The following ICAM2 variants were observed in gnomAD, a reference collection of about 807,000 sequenced individuals.
ICAM2 encodes intercellular adhesion molecule 2.
ICAM2 carries 14 observed loss-of-function variants against 19.1 expected under a neutral mutation model. The observed-to-expected ratio is 0.73, with a 90% CI of 0.48 to 1.15. The LOEUF (loss-of-function observed/expected upper bound fraction) is 1.15. ICAM2 is among the 50% of genes most tolerant of loss of function. The pLI, the probability that ICAM2 is intolerant of heterozygous loss-of-function variation, is 0.00. For missense variants in ICAM2, 311 were observed against 355.4 expected, an observed-to-expected ratio of 0.88 and a Z score of 1.00; for synonymous variants, 153 against 152.7, an observed-to-expected ratio of 1.00 and a Z score of -0.01.
intron 1 of ICAM2, among the ~76,000 whole-genome samples, chr17:64,017,608 A>G (rs1911765293): frequency 6.6e-6 from 1 of 152,184 alleles, no homozygotes; most frequent in South Asian, 2.1e-4. Flanking sequence ...TAAGGTTTAT[A>G]TGGAAGAACA....
chr17:64,017,400 T>C (rs1013966414), intron 1 of ICAM2, among the ~76,000 whole-genome samples: 3 of 152,166 alleles, frequency 2.0e-5, no homozygotes, highest in Non-Finnish European at 4.4e-5. Flanking sequence ...CCTAGAACTA[T>C]AAGACCTATA....
intron 1 of ICAM2, among the ~76,000 whole-genome samples, chr17:64,010,885 C>A (rs866664115): frequency 6.6e-6 from 1 of 151,960 alleles, no homozygotes. Flanking sequence ...TTCTAAGGTT[C>A]TAACTTGGAA....
At position 64,003,736 on chromosome 17, in the gene ICAM2, C is replaced by T. The variant is rs758140513; in HGVS notation, c.557G>A (p.Arg186His). Reference protein sequence around the residue: ...NSTADREDGHRNFSCLAVLDL... With the variant: ...NSTADREDGHHNFSCLAVLDL... ...CAGCACAGCCAGGCAGGAGAAGTTG[C>T]GGTGGCCATCCTCTCTGTCAGCCGT... The change falls in exon 4 of 5, where the codon CGC becomes CAC. Residue 186 changes from arginine (R) to histidine (H), a missense_variant. Arg to His is a conservative substitution (Grantham distance 29). Coordinates refer to ENST00000579788, the MANE Select transcript of ICAM2 (RefSeq NM_001099789.2). The T allele has an allele frequency of 1.5e-5, 25 of 1,613,998 alleles. No individual in the cohort carries two copies. The South Asian group carries it at 1.9e-4, about 12-fold the overall frequency.
chr17:64,015,662 C>T (rs1911692148), intron 1 of ICAM2, among the ~76,000 whole-genome samples: 1 of 151,996 alleles, frequency 6.6e-6, no homozygotes, highest in African/African-American at 2.4e-5. Flanking sequence ...ATGGCTTGAG[C>T]CTGGGAGGTT....
rs796292502 is a variant in ICAM2, at chr17:64,014,437, AAG to A, written c.-45+6084_-45+6085del. ...AGAGAAAGAAAGGAAGGAAGGAAGG[AAG>A]AGAGAGAGAGAGAAGGAGAGAGAGA... On this transcript the variant is annotated intron_variant, in intron 1 of 4. Coordinates refer to ENST00000579788, the MANE Select transcript of ICAM2 (RefSeq NM_001099789.2). 3.0e-3 allele frequency among the ~76,000 whole-genome samples: 381 copies of A among 126,464 alleles called. 3 individuals carry two copies. The highest frequency in any genetic ancestry group is 8.8e-3 in the African/African-American group (314 of 35,752). The allele number at this position is 126,464 out of a possible 152,430, so 83.0% of individuals were successfully genotyped here. A position where few individuals can be genotyped will look rare whatever the true frequency, so the allele number is the denominator to read the frequency against.
intron 1 of ICAM2, chr17:64,007,867 T>G (rs1461141271): frequency 1.3e-5 from 2 of 152,080 alleles, no homozygotes; most frequent in Non-Finnish European, 2.9e-5. Context: ...AGGGAGGGAT[T>G]TCAATGGACG....
At position 64,005,181 on chromosome 17, in the gene ICAM2, T is replaced by C. The variant is rs1439040314; in HGVS notation, c.254A>G (p.His85Arg). Residue 85 changes from histidine (H) to arginine (R), a missense_variant, in exon 3 of 5, where the codon CAT becomes CGT. His to Arg is a conservative substitution (Grantham distance 29). Transcript: ENST00000579788. ...GAAGTGGCATTGGAGGACCGTGTCA[T>C]GGGAGATGTTTGAGACCAAGTAATG... ...WKHYLVSNIS[H>R]DTVLQCHFTC... 1 of 1,614,128 alleles carries C rather than the reference T, an allele frequency of 6.2e-7. No individual in the cohort carries two copies. The highest frequency in any genetic ancestry group is 8.5e-7 in the Non-Finnish European group (1 of 1,179,984).
chr17:64,008,734 A>G (rs1201728776), intron 1 of ICAM2, among the ~76,000 whole-genome samples: 2 of 152,212 alleles, frequency 1.3e-5, no homozygotes, highest in African/African-American at 4.8e-5. Flanking sequence ...GAAAAGCAAC[A>G]TAGCAGAAGG....
intron 1 of ICAM2, among the ~76,000 whole-genome samples, chr17:64,015,527 C>T (rs1911686280): frequency 6.6e-6 from 1 of 152,088 alleles, no homozygotes; most frequent in Admixed American, 6.6e-5. Context: ...ATCCCTTAAG[C>T]CCAAGAGTTT....
intron 3 of ICAM2, 189 bp downstream of exon 3, chr17:64,004,918 G>T: frequency 1.6e-6 from 1 of 641,524 alleles, no homozygotes; most frequent in South Asian, 1.8e-5. Flanking sequence ...TGCGTCTTGA[G>T]ATGCCAGCGG....
At chr17:64,006,901 G>A (rs1911239137) in intron 1 of ICAM2, 166 bp from the exon 2 acceptor site, 1 of 594,548 alleles carries the variant, frequency 1.7e-6, no homozygotes, top group South Asian at 2.0e-5. Flanking sequence ...AGAGGAAGCT[G>A]GGAAGCTGCT....
rs147443492 is a variant in ICAM2 at position 64,005,369 on chromosome 17, C to T, written c.66G>A (p.Ser22=). Residue 22 remains serine, a synonymous_variant, in exon 3 of 5, where the codon TCG becomes TCA. Coordinates refer to ENST00000579788, the MANE Select transcript of ICAM2 (RefSeq NM_001099789.2). The part of the protein sequence containing the change: ...ALFTLICCPG[S]DEKVFEVHVR... The stretch of plus-strand genomic sequence containing the variant: ...CGTGTACCTCGAATACCTTCTCATC[C>T]GATCCTGGAAAACCAGAAACACTGG... The T allele has an allele frequency of 1.9e-5, 30 of 1,612,096 alleles. No individual in the cohort carries two copies. The highest frequency in any genetic ancestry group is 1.7e-4 in the African/African-American group (13 of 75,002).
intron 1 of ICAM2, among the ~76,000 whole-genome samples, chr17:64,012,064 A>G (rs1439806903): frequency 6.6e-6 from 1 of 152,254 alleles, no homozygotes; most frequent in Non-Finnish European, 1.5e-5. Flanking sequence ...ATACATATAT[A>G]CAGTGGAATA....
At chr17:64,018,491 AAAGTT>A (rs1365720230) in intron 1 of ICAM2, among the ~76,000 whole-genome samples, 1 of 151,996 alleles carries the variant, frequency 6.6e-6, no homozygotes, top group East Asian at 1.9e-4. Flanking sequence ...TAGGTTGGCA[AAAGTT>A]AAGAAATATG....
intron 1 of ICAM2, 96 bp from the exon 2 acceptor site, chr17:64,006,831 T>C: frequency 2.7e-6 from 2 of 743,976 alleles, no homozygotes. Flanking sequence ...ATCTGAGAGA[T>C]CTTTGGGAAG....
rs368288922 is a variant in ICAM2 at position 64,005,093 on chromosome 17, G to T, written c.328+14C>A. 1 of 1,613,852 alleles carries T rather than the reference G, an allele frequency of 6.2e-7. No homozygotes were observed. The highest frequency in any genetic ancestry group is 8.5e-7 in the Non-Finnish European group (1 of 1,179,916). On this transcript the variant is annotated intron_variant, in intron 3 of 4. Transcript: ENST00000579788. ...TCCCAGGGGAGAGGAGGGCCCCGCA[G>T]CACAGCCACTCACGGTACACGCTGA...
At chr17:64,006,227 G>C (rs977014821) in intron 2 of ICAM2, 1 of 165,730 alleles carries the variant, frequency 6.0e-6, no homozygotes, top group African/African-American at 2.4e-5. Flanking sequence ...AATTTAAAAA[G>C]CTTCAGCAGG....
chr17:64,002,868 G>A lies in ICAM2; in HGVS notation c.707C>T (p.Ser236Phe), dbSNP rs549720297. The change falls in exon 5 of 5, where the codon TCC becomes TTC. Residue 236 changes from serine (S) to phenylalanine (F), a missense_variant. By Grantham distance (155) the Ser-to-Phe change is radical (BLOSUM62 -2). Coordinates refer to ENST00000579788, the MANE Select transcript of ICAM2 (RefSeq NM_001099789.2). ...IIVTVVSVLL[S>F]LFVTSVLLCF... is the part of the protein sequence containing the mutation. The stretch of plus-strand genomic sequence containing the variant: ...GAGCAGGACAGATGTCACGAACAGG[G>A]ACAGCAACACCGACACCACCGTGAC... 51 of 1,613,892 alleles carry A rather than the reference G, an allele frequency of 3.2e-5. 1 individual carries two copies. In the South Asian group the frequency reaches 4.6e-4, roughly 15 times the overall value.
At position 64,003,719 on chromosome 17, in the gene ICAM2, C is replaced by T. The variant is rs1598015215; in HGVS notation, c.574G>A (p.Ala192Thr). ...CCGCGAGACATCAAGTCCAGCACAGCCAGGCAGGAGAAGTTGCGGTGGCCA... is the reference window on the plus strand; with the variant it reads ...CCGCGAGACATCAAGTCCAGCACAGTCAGGCAGGAGAAGTTGCGGTGGCCA... ...EDGHRNFSCL[A>T]VLDLMSRGGN... The change falls in exon 4 of 5, where the codon GCT (alanine) becomes ACT (threonine). Residue 192 changes from alanine to threonine, a missense_variant. Transcript: ENST00000579788. 1 of 1,614,222 alleles carries T rather than the reference C, an allele frequency of 6.2e-7. No individual in the cohort carries two copies. Among genetic ancestry groups the T allele is most frequent in the Non-Finnish European group, 8.5e-7 (1 of 1,180,052 alleles).
Sources: allele counts gnomAD v4.1 joint callset (sites outside exome capture counted in the v4.1 genomes callset), GRCh38; gene constraint gnomAD v4.1.1; transcripts MANE v1.5; gene names NCBI Gene and HGNC (gene_info 2026-07-23, HGNC 2026-07-21).